NTM: variants seen among roughly 807,000 people sequenced by gnomAD.
NTM encodes the protein neurotrimin.
In NTM, 13 loss-of-function variants were observed where a neutral mutation model predicts 42.1. That is an observed-to-expected ratio of 0.31 (90% CI 0.20 to 0.49). NTM has a LOEUF of 0.49. NTM is among the 20% of genes least tolerant of loss of function. The pLI, the probability that NTM is intolerant of heterozygous loss-of-function variation, is 0.99. For synonymous variants in NTM, 187 were observed against 179.2 expected (o/e 1.04, Z -0.35); for missense variants, 373 against 452.8 (o/e 0.82, Z 1.60).
chr11:132,131,971 C>A (rs1233556452), intron 2 of NTM, among the ~76,000 whole-genome samples: 1 of 152,140 alleles, frequency 6.6e-6, no homozygotes, highest in Non-Finnish European at 1.5e-5. Context: ...GGCTAGAGTC[C>A]CTTCCTACAG....
intron 4 of NTM, among the ~76,000 whole-genome samples, chr11:132,212,594 G>A (rs895018198): frequency 6.6e-6 from 1 of 152,126 alleles, no homozygotes; most frequent in Non-Finnish European, 1.5e-5. Context: ...ATCTGGTCAC[G>A]AGCTGTTTTT....
intron 1 of NTM, among the ~76,000 whole-genome samples, chr11:131,559,562 T>C (rs1489617060): frequency 6.6e-6 from 1 of 152,190 alleles, no homozygotes; most frequent in African/African-American, 2.4e-5. Flanking sequence ...ACACATAAAA[T>C]AATGTCTCAG....
At chr11:132,061,740 C>T (rs2080709279) in intron 2 of NTM, among the ~76,000 whole-genome samples, 1 of 152,162 alleles carries the variant, frequency 6.6e-6, no homozygotes, top group East Asian at 1.9e-4. Context: ...CAGGAGACCT[C>T]AGGCAGTTAT....
chr11:131,817,000 C>A (rs1294454971), intron 1 of NTM, among the ~76,000 whole-genome samples: 2 of 152,224 alleles, frequency 1.3e-5, no homozygotes, highest in Non-Finnish European at 2.9e-5. Flanking sequence ...TCCTCTCCTT[C>A]CTGTGGCACA....
chr11:131,705,707 G>C (rs1292660052), intron 1 of NTM, among the ~76,000 whole-genome samples: 1 of 152,088 alleles, frequency 6.6e-6, no homozygotes, highest in South Asian at 2.1e-4. Context: ...AACATATAAT[G>C]TGGGAAGAAG....
chr11:132,198,373 A>T (rs189206583), intron 3 of NTM, among the ~76,000 whole-genome samples: 13 of 152,078 alleles, frequency 8.5e-5, no homozygotes, highest in Non-Finnish European at 1.5e-4. Context: ...AGTTTTAAAA[A>T]TTTTTTTGGA....
intron 2 of NTM, among the ~76,000 whole-genome samples, chr11:131,989,328 TCAA>T (rs201879186): frequency 0.017 from 2,621 of 152,296 alleles, 82 homozygotes; most frequent in African/African-American, 0.059. Flanking sequence ...ATTTAAAAAA[TCAA>T]CAGTAATTTA....
At chr11:131,711,695 G>A (rs1293471028) in intron 1 of NTM, among the ~76,000 whole-genome samples, 43 of 151,740 alleles carry the variant, frequency 2.8e-4, no homozygotes, top group African/African-American at 8.5e-4. Context: ...TGTTTATTGC[G>A]GCACTATTCA....
At chr11:131,978,902 C>T (rs772780217) in intron 2 of NTM, among the ~76,000 whole-genome samples, 1 of 152,094 alleles carries the variant, frequency 6.6e-6, no homozygotes, top group African/African-American at 2.4e-5. Flanking sequence ...ATCAGAAACA[C>T]GTATTAACAT....
chr11:131,770,158 T>G (rs1219636058), intron 1 of NTM, among the ~76,000 whole-genome samples: 2 of 152,220 alleles, frequency 1.3e-5, no homozygotes, highest in Non-Finnish European at 2.9e-5. Flanking sequence ...TTTGTTTTAT[T>G]AAATCCTTTA....
intron 1 of NTM, among the ~76,000 whole-genome samples, chr11:131,579,876 A>G (rs2058249755): frequency 6.6e-6 from 1 of 152,244 alleles, no homozygotes; most frequent in Admixed American, 6.5e-5. Flanking sequence ...TATAAAAACT[A>G]CTATGAGACA....
chr11:131,654,334 G>A (rs867436295), intron 1 of NTM, among the ~76,000 whole-genome samples: 96 of 152,286 alleles, frequency 6.3e-4, no homozygotes, highest in African/African-American at 2.1e-3. Flanking sequence ...AGGCAGGGCC[G>A]GTGTCCTTCT....
At chr11:131,833,344 T>C (rs1380300383) in intron 1 of NTM, among the ~76,000 whole-genome samples, 3 of 152,180 alleles carry the variant, frequency 2.0e-5, no homozygotes, top group Non-Finnish European at 4.4e-5. Context: ...CTTGATATGC[T>C]CCAGGAAATG....
intron 1 of NTM, among the ~76,000 whole-genome samples, chr11:131,704,185 A>G (rs1259632383): frequency 2.0e-5 from 3 of 152,078 alleles, no homozygotes; most frequent in Non-Finnish European, 4.4e-5. Context: ...GTTCATCTCC[A>G]TAGACCCAGT....
chr11:131,554,446 C>G (rs1194423096), intron 1 of NTM, among the ~76,000 whole-genome samples: 3 of 151,836 alleles, frequency 2.0e-5, no homozygotes, highest in Non-Finnish European at 4.4e-5. Context: ...AAATTAAGAT[C>G]CTCAGGGATG....
At chr11:131,697,766 G>A (rs919695388) in intron 1 of NTM, among the ~76,000 whole-genome samples, 1 of 152,014 alleles carries the variant, frequency 6.6e-6, no homozygotes. Flanking sequence ...TCCCTCTTGC[G>A]TTATTTAATT....
chr11:131,831,955 TAATTA>T (rs967039685), intron 1 of NTM, among the ~76,000 whole-genome samples: 12 of 147,644 alleles, frequency 8.1e-5, no homozygotes, highest in Non-Finnish European at 1.5e-4. Flanking sequence ...ATAATATATA[TAATTA>T]AATATAATAT....
Position 131,638,451 on chromosome 11 carries a change from A to C in NTM, c.82+267563A>C, listed in dbSNP as rs1025611189. On this transcript the variant is annotated intron_variant, in intron 1 of 8. Coordinates refer to ENST00000683400, the MANE Select transcript of NTM (RefSeq NM_001352005.2). The stretch of plus-strand genomic sequence containing the variant: ...CATGATGGCGGGTGCCTGTAATCCC[A>C]GCTACTGGGGAGGTTGAGGCAGCAG... 2.0e-5 allele frequency among the ~76,000 whole-genome samples: 3 copies of C among 151,508 alleles called. No homozygotes were observed. In the East Asian group the frequency reaches 5.8e-4, roughly 29 times the overall value.
At chr11:131,927,611 A>G (rs563206313) in intron 2 of NTM, among the ~76,000 whole-genome samples, 1 of 152,310 alleles carries the variant, frequency 6.6e-6, no homozygotes, top group South Asian at 2.1e-4. Flanking sequence ...CTTTAAGCAC[A>G]CAGTTTCAAC....
Sources: allele counts gnomAD v4.1 joint callset (sites outside exome capture counted in the v4.1 genomes callset), GRCh38; gene constraint gnomAD v4.1.1; transcripts MANE v1.5; gene names NCBI Gene and HGNC (gene_info 2026-07-23, HGNC 2026-07-21).